The following KAZN variants were observed in gnomAD, a reference collection of about 807,000 sequenced individuals.
KAZN encodes the protein kazrin, periplakin interacting protein, also known as kazrin.
A neutral mutation model predicts 87.4 loss-of-function variants in KAZN; 40 were observed. The observed-to-expected ratio is 0.46, with a 90% CI of 0.36 to 0.60. The LOEUF (loss-of-function observed/expected upper bound fraction) is 0.60, where lower values mean the gene tolerates loss of function less well. KAZN is among the 20% of genes least tolerant of loss of function. The pLI is 0.00. For synonymous variants in KAZN, 466 were observed against 458.3 expected (o/e 1.02, Z -0.22); for missense variants, 898 against 1,073.9 (o/e 0.84, Z 2.29).
At chr1:14,046,225 C>G (rs1034506107) in intron 1 of KAZN, among the ~76,000 whole-genome samples, 1 of 152,140 alleles carries the variant, frequency 6.6e-6, no homozygotes, top group African/African-American at 2.4e-5. Context: ...ATGACACACT[C>G]TCTCTCACCA....
intron 1 of KAZN, among the ~76,000 whole-genome samples, chr1:13,997,917 A>C (rs564019663): frequency 1.3e-5 from 2 of 152,168 alleles, no homozygotes; most frequent in African/African-American, 4.8e-5. Context: ...ACACATAATC[A>C]TCAGATTCTC....
intron 1 of KAZN, among the ~76,000 whole-genome samples, chr1:13,919,870 A>C (rs183626155): frequency 1.1e-4 from 16 of 152,292 alleles, no homozygotes; most frequent in African/African-American, 3.6e-4. Flanking sequence ...TATCTTTTAG[A>C]AGCTTTATTG....
chr1:14,443,116 G>A (rs528802854), intron 2 of KAZN, among the ~76,000 whole-genome samples: 4 of 152,142 alleles, frequency 2.6e-5, no homozygotes, highest in Non-Finnish European at 4.4e-5. Context: ...TCTTGCAACC[G>A]TGAAATGTTT....
At chr1:15,079,019 G>T (rs1308350888) in intron 8 of KAZN, among the ~76,000 whole-genome samples, 2 of 152,216 alleles carry the variant, frequency 1.3e-5, no homozygotes, top group Non-Finnish European at 2.9e-5. Flanking sequence ...CAGTTGCAAA[G>T]CTTTTTGAGG....
At chr1:14,867,724 A>ATCCCCC (rs35065469) in intron 1 of KAZN, among the ~76,000 whole-genome samples, 62 of 107,422 alleles carry the variant, frequency 5.8e-4, no homozygotes, top group Non-Finnish European at 8.8e-4. Flanking sequence ...CTTTGAAGAC[A>ATCCCCC]CCCCCCCCCC....
intron 1 of KAZN, among the ~76,000 whole-genome samples, chr1:14,686,389 T>A (rs1167530782): frequency 1.3e-5 from 2 of 152,258 alleles, no homozygotes; most frequent in Non-Finnish European, 2.9e-5. Flanking sequence ...AAGATCGTAC[T>A]GGAATTTCTA....
At position 14,240,399 on chromosome 1, in the gene KAZN, C is replaced by A. The variant is rs372963453; in HGVS notation, c.249+59807C>A. 1.4e-4 allele frequency among the ~76,000 whole-genome samples: 21 copies of A among 152,312 alleles called. No individual in the cohort carries two copies. The East Asian group carries it at 3.3e-3, about 24-fold the overall frequency. On this transcript the variant is annotated intron_variant, in intron 2 of 16. Transcript: ENST00000636203. ...TGTGCAGCCCCCATGGGGAAGACAC[C>A]ATTGCAGTAGGACAGCACCTGGATT... is the stretch of plus-strand genomic sequence containing the variant.
chr1:14,846,756 A>G (rs1284477361), intron 1 of KAZN, among the ~76,000 whole-genome samples: 1 of 152,196 alleles, frequency 6.6e-6, no homozygotes, highest in African/African-American at 2.4e-5. Flanking sequence ...TAACTGTTGA[A>G]TTTCCTGAGT....
chr1:15,032,827 C>T (rs2096387), intron 2 of KAZN, among the ~76,000 whole-genome samples: 139,743 of 152,008 alleles, frequency 0.92, 64,397 homozygotes, highest in East Asian at 1. Context: ...TGGGCACCTG[C>T]AATCCCAGCT....
At chr1:14,657,355 T>A (rs1638868930) in intron 1 of KAZN, among the ~76,000 whole-genome samples, 1 of 152,182 alleles carries the variant, frequency 6.6e-6, no homozygotes, top group African/African-American at 2.4e-5. Flanking sequence ...AGTGCTGGGA[T>A]TATAGGCGTG....
intron 1 of KAZN, among the ~76,000 whole-genome samples, chr1:14,860,750 G>A (rs1326689000): frequency 6.6e-6 from 1 of 152,218 alleles, no homozygotes; most frequent in Non-Finnish European, 1.5e-5. Context: ...CATATGCTGA[G>A]TGGAGTTTAA....
intron 2 of KAZN, among the ~76,000 whole-genome samples, chr1:14,485,892 C>CAAAAA (rs1038275850): frequency 0.022 from 1,866 of 85,434 alleles, 25 homozygotes; most frequent in East Asian, 0.056. Flanking sequence ...GACTCCATCT[C>CAAAAA]AAAAAAAAAA....
rs543941531 is a variant in KAZN at position 14,904,494 on chromosome 1, T to G, written c.227-56190T>G. Among the ~76,000 whole-genome samples the G allele has an allele frequency of 6.6e-5, 10 of 152,322 alleles. No individual in the cohort carries two copies. The South Asian group carries it at 1.9e-3, about 28-fold the overall frequency. On this transcript the variant is annotated intron_variant, in intron 1 of 14. Coordinates refer to ENST00000376030, the MANE Select transcript of KAZN (RefSeq NM_201628.3). ...AACAAGAGACACCCCAGCTGCCACATGGACGTCAGCTTGTAAGATGCGGGA... is the reference window on the plus strand; with the variant it reads ...AACAAGAGACACCCCAGCTGCCACAGGGACGTCAGCTTGTAAGATGCGGGA...
chr1:14,697,573 G>T (rs562073232), intron 1 of KAZN, among the ~76,000 whole-genome samples: 1 of 152,204 alleles, frequency 6.6e-6, no homozygotes, highest in South Asian at 2.1e-4. Context: ...TGATCAACGG[G>T]GCTGCGTCGT....
At chr1:14,107,995 C>T (rs1056391389) in intron 1 of KAZN, among the ~76,000 whole-genome samples, 2 of 152,138 alleles carry the variant, frequency 1.3e-5, no homozygotes, top group African/African-American at 4.8e-5. Context: ...CTAAGATCAT[C>T]TCTCTGCTGA....
At chr1:14,310,510 C>T (rs958463715) in intron 2 of KAZN, among the ~76,000 whole-genome samples, 4 of 152,302 alleles carry the variant, frequency 2.6e-5, no homozygotes, top group African/African-American at 4.8e-5. Context: ...CACACGCCCA[C>T]GCATTGCCTA....
chr1:15,036,044 C>T (rs967400160), intron 3 of KAZN, among the ~76,000 whole-genome samples: 2 of 152,070 alleles, frequency 1.3e-5, no homozygotes, highest in Non-Finnish European at 2.9e-5. Flanking sequence ...TTGGTCTTCA[C>T]CGCTGATTCC....
At chr1:14,236,355 G>A (rs1648418533) in intron 2 of KAZN, among the ~76,000 whole-genome samples, 1 of 152,162 alleles carries the variant, frequency 6.6e-6, no homozygotes, top group Non-Finnish European at 1.5e-5. Context: ...CCTCTTCCTA[G>A]TCCAACATCT....
At chr1:14,180,425 C>A (rs1646172879) in intron 1 of KAZN, 1 of 1,539,964 alleles carries the variant, frequency 6.5e-7, no homozygotes. Context: ...CCTTCTTTTT[C>A]TTTCCACAGC....
Sources: gnomAD v4.1 joint callset for allele counts (sites outside exome capture counted in the v4.1 genomes callset) on GRCh38, gnomAD v4.1.1 for gene constraint, MANE v1.5 for transcripts, NCBI Gene and HGNC (gene_info 2026-07-23, HGNC 2026-07-21) for gene names.